ARHGAP44: variants seen among roughly 807,000 people sequenced by gnomAD.
The protein encoded by ARHGAP44 is Rho GTPase activating protein 44, also known as rho GTPase-activating protein 44.
Under a neutral mutation model 106.8 loss-of-function variants are expected in ARHGAP44, and 43 were observed. The ratio of observed to expected loss-of-function variants is 0.40; its 90% CI spans 0.32 to 0.52. The LOEUF (loss-of-function observed/expected upper bound fraction) is 0.52. Among genes scored for constraint, ARHGAP44 ranks in the 20% least tolerant of loss-of-function variants. The pLI is 0.48. For synonymous variants in ARHGAP44, 439 were observed against 410.3 expected (o/e 1.07, Z -0.85); for missense variants, 866 against 1,050.5 (o/e 0.82, Z 2.43).
At chr17:12,960,196 G>GCACT (rs1346832078) in intron 16 of ARHGAP44, among the ~76,000 whole-genome samples, 1 of 151,808 alleles carries the variant, frequency 6.6e-6, no homozygotes, top group Non-Finnish European at 1.5e-5. Flanking sequence ...TCCACTTAGT[G>GCACT]GAGAAAGAAA....
intron 4 of ARHGAP44, 56 bp downstream of exon 4, chr17:12,909,029 G>A: frequency 7.0e-7 from 1 of 1,437,968 alleles, no homozygotes; most frequent in South Asian, 1.3e-5. Flanking sequence ...CCCCATCCGT[G>A]AAAAGGGGAC....
At chr17:12,976,112 C>T (rs1046320528) in intron 18 of ARHGAP44, among the ~76,000 whole-genome samples, 4 of 152,226 alleles carry the variant, frequency 2.6e-5, no homozygotes, top group African/African-American at 9.6e-5. Flanking sequence ...CATGGCATTC[C>T]TCCATGACCA....
At chr17:12,895,218 C>T (rs2037168563) in intron 2 of ARHGAP44, among the ~76,000 whole-genome samples, 3 of 151,998 alleles carry the variant, frequency 2.0e-5, no homozygotes, top group Admixed American at 2.0e-4. Flanking sequence ...AAAACTGCTC[C>T]AGCTGCTCCT....
At chr17:12,884,721 T>C (rs1324444163) in intron 1 of ARHGAP44, among the ~76,000 whole-genome samples, 3 of 152,148 alleles carry the variant, frequency 2.0e-5, no homozygotes, top group Non-Finnish European at 4.4e-5. Flanking sequence ...CATCACCCAC[T>C]GCGCTGCTTT....
At chr17:12,938,582 T>TTA (rs376200698) in intron 7 of ARHGAP44, among the ~76,000 whole-genome samples, 7,609 of 126,914 alleles carry the variant, frequency 0.06, 603 homozygotes, top group African/African-American at 0.18. Context: ...AGCTATATAT[T>TTA]AAAAAAAAAA....
At position 12,986,901 on chromosome 17, in the gene ARHGAP44, C is replaced by A; in HGVS notation, c.2317+1993C>A. 6 of 578,984 alleles carry A rather than the reference C, an allele frequency of 1.0e-5. No individual in the cohort carries two copies. In the South Asian group the frequency reaches 1.1e-4, roughly 11 times the overall value. 35.9% of individuals were successfully genotyped at this position (578,984 alleles called of 1,614,324 possible). A position where few individuals can be genotyped will look rare whatever the true frequency, so the allele number is the denominator to read the frequency against. ...TAATGTCCCTCGCCCTGTGCGGACCCTATTTTAATGTCCTTTTGGCAGCAG... is the reference window on the plus strand; with the variant it reads ...TAATGTCCCTCGCCCTGTGCGGACCATATTTTAATGTCCTTTTGGCAGCAG... On this transcript the variant is annotated intron_variant, in intron 20 of 20. Transcript: ENST00000379672.
chr17:12,901,810 G>C (rs967233975), intron 3 of ARHGAP44, among the ~76,000 whole-genome samples: 2 of 152,010 alleles, frequency 1.3e-5, no homozygotes, highest in Admixed American at 1.3e-4. Flanking sequence ...GTAAATCCAC[G>C]CACTTGCTCC....
intron 1 of ARHGAP44, among the ~76,000 whole-genome samples, chr17:12,878,068 A>G (rs1013671644): frequency 6.6e-6 from 1 of 152,234 alleles, no homozygotes; most frequent in Non-Finnish European, 1.5e-5. Context: ...TACATGAAAT[A>G]TGTTTTCATA....
chr17:12,822,324 A>T (rs909076782), intron 1 of ARHGAP44, among the ~76,000 whole-genome samples: 2 of 151,080 alleles, frequency 1.3e-5, no homozygotes, highest in Non-Finnish European at 2.9e-5. Flanking sequence ...TGGAAATGTA[A>T]AAATTATTCT....
chr17:12,913,108 T>C (rs1319587619), intron 4 of ARHGAP44, among the ~76,000 whole-genome samples: 2 of 152,198 alleles, frequency 1.3e-5, no homozygotes, highest in African/African-American at 4.8e-5. Flanking sequence ...TTCAAGAAGA[T>C]GAAATTCATT....
chr17:12,913,750 C>G (rs2037811104), intron 4 of ARHGAP44, among the ~76,000 whole-genome samples: 2 of 151,438 alleles, frequency 1.3e-5, no homozygotes, highest in Non-Finnish European at 2.9e-5. Flanking sequence ...GGTGGATTAC[C>G]TGAGGTCCAG....
chr17:12,854,958 C>CAAAAAAA (rs1182512832), intron 1 of ARHGAP44, among the ~76,000 whole-genome samples: 5 of 50,920 alleles, frequency 9.8e-5, no homozygotes, highest in Admixed American at 2.3e-4. Flanking sequence ...AACTCTGTCT[C>CAAAAAAA]AAAAAAAAAA....
chr17:12,808,919 GA>G (rs1448646649), intron 1 of ARHGAP44, among the ~76,000 whole-genome samples: 1 of 152,162 alleles, frequency 6.6e-6, no homozygotes, highest in Non-Finnish European at 1.5e-5. Context: ...ATGTCTTTGT[GA>G]ATACATAAAA....
chr17:12,895,037 AG>A, intron 2 of ARHGAP44, 58 bp downstream of exon 2: 1 of 1,524,502 alleles, frequency 6.6e-7, no homozygotes, highest in Non-Finnish European at 8.9e-7. Flanking sequence ...AGGCTGAGGC[AG>A]GAGAATTGCT....
intron 16 of ARHGAP44, among the ~76,000 whole-genome samples, chr17:12,971,685 GT>G (rs1693810096): frequency 1.5e-5 from 2 of 129,120 alleles, no homozygotes. Context: ...TATAGGAAGT[GT>G]TTGTTTATTG....
intron 1 of ARHGAP44, among the ~76,000 whole-genome samples, chr17:12,795,163 C>T (rs2033882469): frequency 6.6e-6 from 1 of 152,250 alleles, no homozygotes; most frequent in African/African-American, 2.4e-5. Flanking sequence ...CCAAAGAGCG[C>T]TGTGCACATT....
At chr17:12,899,041 G>C (rs1238567285) in intron 3 of ARHGAP44, among the ~76,000 whole-genome samples, 2 of 151,986 alleles carry the variant, frequency 1.3e-5, no homozygotes, top group Non-Finnish European at 2.9e-5. Context: ...CGCAATCTCG[G>C]CTCACTGCAA....
chr17:12,820,826 T>C (rs917499896), intron 1 of ARHGAP44, among the ~76,000 whole-genome samples: 2 of 152,196 alleles, frequency 1.3e-5, no homozygotes, highest in Non-Finnish European at 2.9e-5. Context: ...GTGATAGTTA[T>C]AGAAGACCTG....
At chr17:12,989,958 T>A in intron 20 of ARHGAP44, 74 bp from the exon 21 acceptor site, 1 of 1,568,366 alleles carries the variant, frequency 6.4e-7, no homozygotes, top group Non-Finnish European at 8.7e-7. Context: ...AAGGCTGACA[T>A]TATTTGCCTA....
Sources: gnomAD v4.1 joint callset for allele counts (sites outside exome capture counted in the v4.1 genomes callset) on GRCh38, gnomAD v4.1.1 for gene constraint, MANE v1.5 for transcripts, NCBI Gene and HGNC (gene_info 2026-07-23, HGNC 2026-07-21) for gene names.